ANGPT1: variants seen among roughly 807,000 people sequenced by gnomAD.
ANGPT1 encodes the protein angiopoietin-1.
In ANGPT1, 17 loss-of-function variants were observed where a neutral mutation model predicts 62.2. The observed-to-expected ratio is 0.27, with a 90% CI of 0.19 to 0.41. The LOEUF (loss-of-function observed/expected upper bound fraction) is 0.41. Among genes scored for constraint, ANGPT1 ranks in the 10% least tolerant of loss-of-function variants. ANGPT1 has a pLI of 1.00. For synonymous variants in ANGPT1, 199 were observed against 198.9 expected, an observed-to-expected ratio of 1.00 and a Z score of 0.00; for missense variants, 478 against 594.9, an observed-to-expected ratio of 0.80 and a Z score of 2.04.
Position 107,404,177 on chromosome 8 carries a change from C to T in ANGPT1, c.298-57080G>A, listed in dbSNP as rs564574419. ...AGAGTAATTCACAGTTTCAACTAGC[C>T]TGATGATATCTGCCAATATTTTAGT... On this transcript the variant is annotated intron_variant, in intron 1 of 8. Coordinates refer to ENST00000517746, the MANE Select transcript of ANGPT1 (RefSeq NM_001146.5). Among the ~76,000 whole-genome samples the T allele has an allele frequency of 2.0e-5, 3 of 152,202 alleles. No homozygotes were observed. The South Asian group carries it at 6.2e-4, about 32-fold the overall frequency.
chr8:107,365,923 G>A (rs565189869), intron 1 of ANGPT1, among the ~76,000 whole-genome samples: 2 of 148,782 alleles, frequency 1.3e-5, no homozygotes, highest in Non-Finnish European at 3.0e-5. Context: ...AGAAATAAAA[G>A]TTTCATTAAA....
intron 1 of ANGPT1, among the ~76,000 whole-genome samples, chr8:107,462,288 C>T (rs1273979886): frequency 6.6e-6 from 1 of 151,802 alleles, no homozygotes; most frequent in Non-Finnish European, 1.5e-5. Context: ...TCTGGGAGGA[C>T]TTCTCACTGC....
intron 1 of ANGPT1, among the ~76,000 whole-genome samples, chr8:107,417,087 A>T (rs1180339133): frequency 6.6e-6 from 1 of 152,046 alleles, no homozygotes; most frequent in Non-Finnish European, 1.5e-5. Context: ...CCGTGCCTGG[A>T]GAGAATTTCT....
rs905593252 is a variant in ANGPT1, at chr8:107,250,950, T to C, written c.*905A>G. ...TACTCCAAAATATTGCTTTCCTGTA[T>C]AATATCAAAGGAAATATTAAATGCA... On this transcript the variant is annotated 3_prime_UTR_variant, in exon 9 of 9. Transcript: ENST00000517746. The C allele has an allele frequency of 1.3e-5, 2 of 152,178 alleles. No individual in the cohort carries two copies. The highest frequency in any genetic ancestry group is 2.9e-5 in the Non-Finnish European group (2 of 68,006). 9.4% of individuals were successfully genotyped at this position (152,178 alleles called of 1,614,324 possible).
chr8:107,402,514 C>A (rs1817066546), intron 1 of ANGPT1, among the ~76,000 whole-genome samples: 5 of 152,150 alleles, frequency 3.3e-5, no homozygotes, highest in Admixed American at 3.3e-4. Context: ...AGAAAGAGCA[C>A]CTGCTCCCAT....
chr8:107,435,505 A>C (rs1529748), intron 1 of ANGPT1, among the ~76,000 whole-genome samples: 10,087 of 152,276 alleles, frequency 0.066, 439 homozygotes, highest in African/African-American at 0.11. Flanking sequence ...TACCATTTTA[A>C]CAAACTTCCG....
intron 7 of ANGPT1, among the ~76,000 whole-genome samples, chr8:107,272,813 T>C (rs991445381): frequency 6.6e-6 from 1 of 151,168 alleles, no homozygotes; most frequent in Non-Finnish European, 1.5e-5. Context: ...CAGAAATACA[T>C]GCTCAGTGAT....
chr8:107,487,261 G>T (rs1284979706), intron 1 of ANGPT1, among the ~76,000 whole-genome samples: 1 of 152,138 alleles, frequency 6.6e-6, no homozygotes, highest in Non-Finnish European at 1.5e-5. Flanking sequence ...GGAGACAAGA[G>T]AAATAAAAAG....
At chr8:107,454,435 C>G (rs1168526475) in intron 1 of ANGPT1, among the ~76,000 whole-genome samples, 1 of 152,038 alleles carries the variant, frequency 6.6e-6, no homozygotes, top group Non-Finnish European at 1.5e-5. Context: ...AGTTTTGAAC[C>G]AGTTTGCCTT....
chr8:107,355,912 A>T (rs1323237397), intron 1 of ANGPT1, among the ~76,000 whole-genome samples: 1 of 152,188 alleles, frequency 6.6e-6, no homozygotes. Flanking sequence ...CTTAAGCACA[A>T]GCACTACCTG....
At chr8:107,453,740 G>A (rs868586445) in intron 1 of ANGPT1, among the ~76,000 whole-genome samples, 1 of 151,934 alleles carries the variant, frequency 6.6e-6, no homozygotes, top group Non-Finnish European at 1.5e-5. Context: ...AAAAAATTGG[G>A]TTAGAAATCT....
At chr8:107,330,444 G>T (rs1407571188) in intron 3 of ANGPT1, among the ~76,000 whole-genome samples, 1 of 152,144 alleles carries the variant, frequency 6.6e-6, no homozygotes, top group Non-Finnish European at 1.5e-5. Context: ...ATTATTGGAA[G>T]TAAGTCTGCA....
intron 1 of ANGPT1, among the ~76,000 whole-genome samples, chr8:107,474,489 A>G (rs545787320): frequency 6.4e-4 from 97 of 152,240 alleles, no homozygotes; most frequent in African/African-American, 2.0e-3. Context: ...TACTGAATGG[A>G]CAAAAACTGG....
chr8:107,251,168 C>G lies in ANGPT1; in HGVS notation c.*687G>C, dbSNP rs1813240796. The G allele has an allele frequency of 6.6e-6, 1 of 152,048 alleles. No homozygotes were observed. The allele number at this position is 152,048 out of a possible 1,614,324, so 9.4% of individuals were successfully genotyped here. A position where few individuals can be genotyped will look rare whatever the true frequency, so the allele number is the denominator to read the frequency against. On this transcript the variant is annotated 3_prime_UTR_variant, in exon 9 of 9. Coordinates refer to ENST00000517746, the MANE Select transcript of ANGPT1 (RefSeq NM_001146.5). ...TTTTTCTGAAAACTGTATCAAAAAT[C>G]AGAGTAATGGAGTTTGTTTCTACCA... is the stretch of plus-strand genomic sequence containing the variant.
intron 1 of ANGPT1, among the ~76,000 whole-genome samples, chr8:107,481,330 C>T (rs1042379690): frequency 4.6e-5 from 7 of 151,724 alleles, no homozygotes; most frequent in Admixed American, 6.6e-5. Flanking sequence ...GTCAAGAGAT[C>T]GAAACCATCC....
chr8:107,263,619 T>C (rs1334215414), intron 8 of ANGPT1, among the ~76,000 whole-genome samples: 1 of 152,092 alleles, frequency 6.6e-6, no homozygotes, highest in Non-Finnish European at 1.5e-5. Context: ...TGTGGGGCTA[T>C]CAGAAGGCTG....
chr8:107,409,977 CCAT>C (rs1203936722), intron 1 of ANGPT1, among the ~76,000 whole-genome samples: 3 of 151,928 alleles, frequency 2.0e-5, no homozygotes, highest in Non-Finnish European at 4.4e-5. Flanking sequence ...ATCCATCCAT[CCAT>C]CCATCCAACC....
At chr8:107,252,459 C>G (rs114953628) in intron 8 of ANGPT1, among the ~76,000 whole-genome samples, 1 of 152,122 alleles carries the variant, frequency 6.6e-6, no homozygotes, top group Non-Finnish European at 1.5e-5. Flanking sequence ...CTTAGACAAG[C>G]AACTGAGATC....
intron 1 of ANGPT1, among the ~76,000 whole-genome samples, chr8:107,457,803 CACTCACCCCACACAT>C (rs958168644): frequency 4.0e-5 from 6 of 150,172 alleles, no homozygotes; most frequent in Non-Finnish European, 8.9e-5. Flanking sequence ...AAATTATTCA[CACTCACCCCACACAT>C]ACCCACTACA....
Sources: allele counts gnomAD v4.1 joint callset (sites outside exome capture counted in the v4.1 genomes callset), GRCh38; gene constraint gnomAD v4.1.1; transcripts MANE v1.5; gene names NCBI Gene and HGNC (gene_info 2026-07-23, HGNC 2026-07-21).